The following CALB2 variants were observed in gnomAD, a reference collection of about 807,000 sequenced individuals.
The protein encoded by CALB2 is calretinin.
A neutral mutation model predicts 45.9 loss-of-function variants in CALB2; 34 were observed. The observed-to-expected ratio is 0.74, with a 90% CI of 0.56 to 0.99. The LOEUF is 0.99. Among genes scored for constraint, CALB2 ranks in the 50% least tolerant of loss-of-function variants. The probability of loss-of-function intolerance (pLI) is 0.00; values close to 1 mark genes in which losing one functional copy is unlikely to be tolerated. For synonymous variants in CALB2, 142 were observed against 129.6 expected (o/e 1.10, Z -0.65); for missense variants, 344 against 339.3 (o/e 1.01, Z -0.11).
At chr16:71,360,687 T>C (rs1049010194) in intron 1 of CALB2, among the ~76,000 whole-genome samples, 1 of 152,202 alleles carries the variant, frequency 6.6e-6, no homozygotes, top group Non-Finnish European at 1.5e-5. Context: ...GCAAGAGCAC[T>C]GTCCATAACC....
chr16:71,382,556 T>C (rs1156978417), intron 4 of CALB2, among the ~76,000 whole-genome samples, 163 bp from the exon 5 acceptor site: 1 of 152,238 alleles, frequency 6.6e-6, no homozygotes, highest in African/African-American at 2.4e-5. Flanking sequence ...CATTTCCTTC[T>C]CTGTGACCTT....
rs759210460 is a variant in CALB2 at position 71,389,772 on chromosome 16, C to T, written c.723C>T (p.Thr241=). Reference sequence around the variant, plus strand: ...AGGAAATGAATATTCAACAGCTCACCAACTACAGAAAGAGCGTCATGTCCT... The same window carrying T: ...AGGAAATGAATATTCAACAGCTCACTAACTACAGAAAGAGCGTCATGTCCT... The part of the protein sequence containing the change: ...NKKEMNIQQL[T]NYRKSVMSLA... Residue 241 remains threonine (T), a synonymous_variant, in exon 11 of 11, where the codon ACC becomes ACT. Transcript: ENST00000302628. 6.2e-7 allele frequency: 1 copy of T among 1,613,836 alleles called. No homozygotes were observed. The highest frequency in any genetic ancestry group is 1.1e-5 in the South Asian group (1 of 91,080).
chr16:71,380,442 C>T (rs1056436950), intron 4 of CALB2, among the ~76,000 whole-genome samples: 39 of 143,110 alleles, frequency 2.7e-4, no homozygotes, highest in Non-Finnish European at 4.9e-4. Context: ...CCGCCGAGCT[C>T]GGATTACAGG....
chr16:71,383,568 GGCAGCTGGC>G, intron 6 of CALB2, 124 bp downstream of exon 6: 1 of 837,460 alleles, frequency 1.2e-6, no homozygotes, highest in Admixed American at 2.7e-5. Context: ...GATTCACAGT[GGCAGCTGGC>G]AAAAAGGGAT....
chr16:71,381,059 G>A (rs1248911604), intron 4 of CALB2, among the ~76,000 whole-genome samples: 1 of 152,212 alleles, frequency 6.6e-6, no homozygotes, highest in African/African-American at 2.4e-5. Context: ...GCTTGGGAAA[G>A]CAGCCGCTGG....
At chr16:71,385,107 C>T (rs371585795) in intron 9 of CALB2, among the ~76,000 whole-genome samples, 5 of 152,216 alleles carry the variant, frequency 3.3e-5, no homozygotes, top group African/African-American at 1.2e-4. Context: ...CTGTCGGGAG[C>T]CAAAGGGAAG....
chr16:71,389,627 C>T (rs1326763378), intron 10 of CALB2, 122 bp from the exon 11 acceptor site: 2 of 788,000 alleles, frequency 2.5e-6, no homozygotes, highest in Middle Eastern at 2.2e-4. Context: ...TCATCTAAGC[C>T]ACTTATCCTG....
intron 1 of CALB2, among the ~76,000 whole-genome samples, chr16:71,366,024 C>CTTTTTTTTTTTTTTTTTT (rs1171021532): frequency 1.8e-4 from 8 of 45,064 alleles, no homozygotes; most frequent in African/African-American, 2.9e-4. Flanking sequence ...CTCTCTCTCT[C>CTTTTTTTTTTTTTTTTTT]TTTTTTTTTT....
Position 71,384,351 on chromosome 16 carries a change from C to A in CALB2, c.546C>A (p.Val182=), listed in dbSNP as rs1440515956. The part of the protein sequence containing the change: ...GLSEMSRLLP[V]QENFLLKFQG... The stretch of plus-strand genomic sequence containing the variant: ...ATTTTCTCCCCAGACTCCTGCCTGT[C>A]CAGGAAAACTTCCTGCTTAAATTTC... Residue 182 remains valine (V), a synonymous_variant, in exon 8 of 11, where the codon GTC becomes GTA. Transcript: ENST00000302628. The A allele has an allele frequency of 1.2e-6, 2 of 1,613,248 alleles. No individual in the cohort carries two copies. The highest frequency in any genetic ancestry group is 1.7e-5 in the Admixed American group (1 of 59,932).
Position 71,382,166 on chromosome 16 carries a change from G to A in CALB2, c.343-553G>A, listed in dbSNP as rs912667067. On this transcript the variant is annotated intron_variant, in intron 4 of 10. Coordinates refer to ENST00000302628, the MANE Select transcript of CALB2 (RefSeq NM_001740.5). ...AAGGAAGGAAGGAAAGAAAATAAAGGAAGGAAGGAACGAAAGAAAAAAGAA... is the reference window on the plus strand; with the variant it reads ...AAGGAAGGAAGGAAAGAAAATAAAGAAAGGAAGGAACGAAAGAAAAAAGAA... Among the ~76,000 whole-genome samples, 56 of 89,940 alleles carry A rather than the reference G, an allele frequency of 6.2e-4. No homozygotes were observed. In the Middle Eastern group the frequency reaches 0.03, roughly 48 times the overall value. 59.0% of individuals were successfully genotyped at this position (89,940 alleles called of 152,430 possible). A position where few individuals can be genotyped will look rare whatever the true frequency, so the allele number is the denominator to read the frequency against.
At chr16:71,379,149 T>C (rs945048454) in intron 4 of CALB2, among the ~76,000 whole-genome samples, 16 of 152,030 alleles carry the variant, frequency 1.1e-4, no homozygotes, top group African/African-American at 3.9e-4. Flanking sequence ...TGGTGGTGCA[T>C]GCCTGTAATC....
At chr16:71,366,090 G>A (rs1415621136) in intron 1 of CALB2, among the ~76,000 whole-genome samples, 1 of 126,138 alleles carries the variant, frequency 7.9e-6, no homozygotes, top group Non-Finnish European at 1.6e-5. Flanking sequence ...GCAGTGGCAG[G>A]ATCTTGGCTC....
At chr16:71,379,271 T>TAATA (rs71153630) in intron 4 of CALB2, among the ~76,000 whole-genome samples, 9,413 of 145,484 alleles carry the variant, frequency 0.065, 359 homozygotes, top group Non-Finnish European at 0.073. Context: ...AGACTCTGTC[T>TAATA]AATAAATAAA....
rs985985995 is a variant in CALB2 at position 71,367,374 on chromosome 16, T to C, written c.95-4779T>C. The stretch of plus-strand genomic sequence containing the variant: ...CACCCCACCCGCTGCAAGAGGGTCA[T>C]AGAAACATCAGACCATTCACTCAGT... On this transcript the variant is annotated intron_variant, in intron 1 of 10. Coordinates refer to ENST00000302628, the MANE Select transcript of CALB2 (RefSeq NM_001740.5). Among the ~76,000 whole-genome samples, 19 of 152,278 alleles carry C rather than the reference T, an allele frequency of 1.2e-4. 1 individual carries two copies. Among genetic ancestry groups the C allele is most frequent in the Admixed American group, 7.8e-4 (12 of 15,304 alleles).
intron 1 of CALB2, among the ~76,000 whole-genome samples, chr16:71,370,267 C>T (rs139420799): frequency 6.6e-6 from 1 of 152,184 alleles, no homozygotes; most frequent in Non-Finnish European, 1.5e-5. Context: ...AGCCTCCCCC[C>T]ACAACCCCTC....
chr16:71,364,540 G>A (rs2144952449), intron 1 of CALB2, among the ~76,000 whole-genome samples: 1 of 152,310 alleles, frequency 6.6e-6, no homozygotes, highest in East Asian at 1.9e-4. Context: ...CCCATCTGGG[G>A]CCTCTGGCTT....
At chr16:71,372,809 G>A (rs2042368388) in intron 2 of CALB2, among the ~76,000 whole-genome samples, 1 of 152,212 alleles carries the variant, frequency 6.6e-6, no homozygotes, top group Admixed American at 6.5e-5. Flanking sequence ...GTGGGAGACT[G>A]GGGGCAGAAT....
In CALB2 at chr16:71,389,979, C is replaced by A. The variant is rs557831136; in HGVS notation, c.*114C>A. On this transcript the variant is annotated 3_prime_UTR_variant, in exon 11 of 11. Coordinates refer to ENST00000302628, the MANE Select transcript of CALB2 (RefSeq NM_001740.5). Reference sequence around the variant, plus strand: ...CCCGCCCCCACCCCTACAGCCTGCACACACCTGCCTGCAGAGCAGGAAATG... The same window carrying A: ...CCCGCCCCCACCCCTACAGCCTGCAAACACCTGCCTGCAGAGCAGGAAATG... 4.3e-6 allele frequency: 3 copies of A among 701,442 alleles called. No individual in the cohort carries two copies. The highest frequency in any genetic ancestry group is 1.8e-5 in the African/African-American group (1 of 56,988). 43.5% of individuals were successfully genotyped at this position (701,442 alleles called of 1,614,324 possible).
At chr16:71,389,207 A>AAATAAAAAT (rs2042608296) in intron 10 of CALB2, among the ~76,000 whole-genome samples, 1 of 152,044 alleles carries the variant, frequency 6.6e-6, no homozygotes, top group Admixed American at 6.5e-5. Context: ...AAAATAAAAA[A>AAATAAAAAT]AATTCCTTGC....
Sources: allele counts gnomAD v4.1 joint callset (sites outside exome capture counted in the v4.1 genomes callset), GRCh38; gene constraint gnomAD v4.1.1; transcripts MANE v1.5; gene names NCBI Gene and HGNC (gene_info 2026-07-23, HGNC 2026-07-21).